The following TMCO5A variants were observed in gnomAD, a reference collection of about 807,000 sequenced individuals.
TMCO5A encodes transmembrane and coiled-coil domains 5A.
Under a neutral mutation model 42.3 loss-of-function variants are expected in TMCO5A, and 34 were observed. The observed-to-expected ratio is 0.80, with a 90% CI of 0.61 to 1.07. The LOEUF is 1.07. TMCO5A is among the 50% of genes least tolerant of loss of function. The pLI is 0.00. For missense variants in TMCO5A, 357 were observed against 327.9 expected (o/e 1.09, Z -0.69); for synonymous variants, 131 against 115.6 (o/e 1.13, Z -0.86).
At chr15:38,003,254 T>TCTCTCTCTCCC in the TMCO5A span, among the ~76,000 whole-genome samples, 1 of 150,792 alleles carries the variant, frequency 6.6e-6, no homozygotes, top group African/African-American at 2.5e-5. Flanking sequence ...CTCTGTCTCC[T>TCTCTCTCTCCC]CCCATCACTC....
At chr15:37,949,755 CTACA>C (rs1283669542) in intron 11 of TMCO5A, among the ~76,000 whole-genome samples, 2 of 151,902 alleles carry the variant, frequency 1.3e-5, no homozygotes, top group Non-Finnish European at 2.9e-5. Flanking sequence ...ATTTTCTATG[CTACA>C]TAATAAATTA....
At chr15:37,981,200 CAAAAAAA>C in the TMCO5A span, among the ~76,000 whole-genome samples, 12 of 65,344 alleles carry the variant, frequency 1.8e-4, no homozygotes, top group African/African-American at 6.1e-4. Flanking sequence ...AGAAAGCCAG[CAAAAAAA>C]AAAAAAAAAA....
At chr15:37,994,704 C>A in the TMCO5A span, 1 of 152,276 alleles carries the variant, frequency 6.6e-6, no homozygotes, top group East Asian at 1.9e-4. Flanking sequence ...CCCTTCAGAT[C>A]GTCATCAGCC....
At chr15:38,009,922 C>A in the TMCO5A span, among the ~76,000 whole-genome samples, 1 of 152,118 alleles carries the variant, frequency 6.6e-6, no homozygotes, top group Non-Finnish European at 1.5e-5. Flanking sequence ...AATGCCCCCC[C>A]AAAAATTATT....
the TMCO5A span, among the ~76,000 whole-genome samples, chr15:37,979,052 C>T: frequency 6.6e-6 from 1 of 151,808 alleles, no homozygotes; most frequent in Non-Finnish European, 1.5e-5. Flanking sequence ...CACCAGGCCC[C>T]ACCTCCCCAT....
chr15:38,006,097 G>T, the TMCO5A span, among the ~76,000 whole-genome samples: 2 of 152,162 alleles, frequency 1.3e-5, no homozygotes, highest in Non-Finnish European at 2.9e-5. Flanking sequence ...AGAACAATTT[G>T]TTGCTACTCA....
At chr15:38,009,406 T>C in the TMCO5A span, among the ~76,000 whole-genome samples, 246 of 152,334 alleles carry the variant, frequency 1.6e-3, 9 homozygotes, top group East Asian at 0.039. Context: ...AAATGTGATG[T>C]GCTTGTCTAG....
downstream of TMCO5A, among the ~76,000 whole-genome samples, chr15:37,969,581 G>A (rs1171782078): frequency 6.6e-6 from 1 of 152,038 alleles, no homozygotes; most frequent in African/African-American, 2.4e-5. Context: ...TAGGTTCAGG[G>A]GTACATGTGC....
At chr15:38,001,812 T>G in the TMCO5A span, among the ~76,000 whole-genome samples, 9 of 152,252 alleles carry the variant, frequency 5.9e-5, no homozygotes, top group African/African-American at 2.2e-4. Flanking sequence ...CTCTACACTT[T>G]AAATTCATCC....
chr15:37,989,598 T>C, the TMCO5A span, among the ~76,000 whole-genome samples: 3 of 152,002 alleles, frequency 2.0e-5, no homozygotes, highest in Non-Finnish European at 4.4e-5. Flanking sequence ...TCATGAATTT[T>C]CCAATTTTCT....
chr15:37,958,219 CA>C (rs1453783475), intron 11 of TMCO5A, among the ~76,000 whole-genome samples: 1 of 152,100 alleles, frequency 6.6e-6, no homozygotes, highest in Non-Finnish European at 1.5e-5. Flanking sequence ...GCAAAGGCAA[CA>C]AAAACCAAAA....
downstream of TMCO5A, among the ~76,000 whole-genome samples, chr15:37,954,342 T>C (rs1890232704): frequency 6.6e-6 from 1 of 152,168 alleles, no homozygotes. Context: ...GGAGCTGTAA[T>C]ATATCTGGCA....
chr15:38,024,199 G>A, the TMCO5A span, among the ~76,000 whole-genome samples: 1 of 152,088 alleles, frequency 6.6e-6, no homozygotes, highest in African/African-American at 2.4e-5. Flanking sequence ...ACACCATGCT[G>A]CCACTGAGCT....
At chr15:37,982,441 C>T in the TMCO5A span, among the ~76,000 whole-genome samples, 4 of 74,032 alleles carry the variant, frequency 5.4e-5, no homozygotes, top group African/African-American at 2.7e-4. Context: ...CAATTATATA[C>T]AAATATATAT....
At chr15:37,974,338 C>A in the TMCO5A span, among the ~76,000 whole-genome samples, 29,306 of 151,988 alleles carry the variant, frequency 0.19, 5,706 homozygotes, top group African/African-American at 0.51. Flanking sequence ...ATGGTACCAG[C>A]TTTCTTTTAT....
the TMCO5A span, among the ~76,000 whole-genome samples, chr15:37,972,965 G>A: frequency 2.0e-5 from 3 of 152,286 alleles, no homozygotes; most frequent in East Asian, 1.9e-4. Context: ...ATGGTGTAAG[G>A]AAGGAGTTCA....
the TMCO5A span, among the ~76,000 whole-genome samples, chr15:38,010,383 CAAA>C: frequency 9.9e-5 from 4 of 40,324 alleles, no homozygotes; most frequent in Admixed American, 7.7e-4. Flanking sequence ...ACTCCGTCTC[CAAA>C]AAAAAAAAAA....
intron 3 of TMCO5A, 102 bp downstream of exon 3, chr15:37,936,565 T>A: frequency 1.4e-6 from 2 of 1,415,816 alleles, no homozygotes; most frequent in Non-Finnish European, 1.9e-6. Flanking sequence ...ACTTCTACCT[T>A]GTGTGGCAAA....
At chr15:37,980,215 GT>G in the TMCO5A span, among the ~76,000 whole-genome samples, 6,901 of 152,238 alleles carry the variant, frequency 0.045, 552 homozygotes, top group African/African-American at 0.16. Flanking sequence ...AAGGCCTGCG[GT>G]CCGTCCACTC....
Sources: allele counts gnomAD v4.1 joint callset (sites outside exome capture counted in the v4.1 genomes callset), GRCh38; gene constraint gnomAD v4.1.1; transcripts MANE v1.5; gene names NCBI Gene and HGNC (gene_info 2026-07-23, HGNC 2026-07-21).